Variants in TMEM25 observed in about 807,000 individuals in gnomAD.
TMEM25 encodes 0610039J01Rik.
A neutral mutation model predicts 37.0 loss-of-function variants in TMEM25; 36 were observed. The ratio of observed to expected loss-of-function variants is 0.97; its 90% confidence interval spans 0.75 to 1.28. The LOEUF (loss-of-function observed/expected upper bound fraction) is 1.28, where lower values mean the gene tolerates loss of function less well. Ranked by LOEUF, TMEM25 falls within the 50% of genes most tolerant of loss-of-function variation. The probability of loss-of-function intolerance (pLI) is 0.00; values close to 1 mark genes in which losing one functional copy is unlikely to be tolerated. For missense variants in TMEM25, 444 were observed against 477.9 expected, an observed-to-expected ratio of 0.93 and a Z score of 0.66; for synonymous variants, 197 against 203.7, an observed-to-expected ratio of 0.97 and a Z score of 0.28.
intron 8 of TMEM25, among the ~76,000 whole-genome samples, chr11:118,541,580 T>TA (rs1467693582): frequency 2.0e-5 from 3 of 152,064 alleles, no homozygotes; most frequent in Admixed American, 6.6e-5. Context: ...ACAAATTTTT[T>TA]AAAAAAAATT....
Position 118,535,731 on chromosome 11 carries a change from A to G in TMEM25, c.*1151A>G. The G allele has an allele frequency of 7.3e-7, 1 of 1,372,452 alleles. No individual in the cohort carries two copies. Among genetic ancestry groups the G allele is most frequent in the Non-Finnish European group, 9.4e-7 (1 of 1,064,696 alleles). 85.0% of individuals were successfully genotyped at this position (1,372,452 alleles called of 1,614,324 possible). ...TGGAAATTAATATAGTACAGAATATATTTTTCCCTTGTTGAGATCTTCTTT... is the reference window on the plus strand; with the variant it reads ...TGGAAATTAATATAGTACAGAATATGTTTTTCCCTTGTTGAGATCTTCTTT... On this transcript the variant is annotated 3_prime_UTR_variant, in exon 9 of 9. Coordinates refer to ENST00000313236, the MANE Select transcript of TMEM25 (RefSeq NM_032780.4).
intron 8 of TMEM25, among the ~76,000 whole-genome samples, chr11:118,542,451 T>C (rs1555065793): frequency 1.3e-5 from 2 of 152,060 alleles, no homozygotes; most frequent in East Asian, 3.9e-4. Context: ...AGGGGACAAA[T>C]AGGCAAACAA....
At chr11:118,545,097 C>T in intron 8 of TMEM25, 1 of 1,030,930 alleles carries the variant, frequency 9.7e-7, no homozygotes, top group Non-Finnish European at 1.5e-6. Flanking sequence ...TTAAAATGAA[C>T]CCCCTTTATT....
intron 1 of TMEM25, 164 bp downstream of exon 1, chr11:118,531,398 G>A (rs151241792): frequency 6.1e-5 from 23 of 379,872 alleles, no homozygotes; most frequent in African/African-American, 3.6e-4. Flanking sequence ...ATGGGAACAG[G>A]GCAGGAGAGA....
downstream of TMEM25, among the ~76,000 whole-genome samples, chr11:118,536,583 C>A (rs1565338044): frequency 6.6e-6 from 1 of 152,202 alleles, no homozygotes; most frequent in Non-Finnish European, 1.5e-5. Context: ...TCTGACATTA[C>A]CAAATGTGCT....
At position 118,534,553 on chromosome 11, in the gene TMEM25, C is replaced by T. The variant is rs1258821794; in HGVS notation, c.1074C>T (p.Ser358=). ...TGGGCTATATCTATCGAGTGTCCAG[C>T]GTGAGCAGTGATGAGATCTGGCTCT... ...PVLGYIYRVS[S]VSSDEIWL Residue 358 remains serine, a synonymous_variant, in exon 9 of 9, where the codon AGC becomes AGT. Coordinates refer to ENST00000313236, the MANE Select transcript of TMEM25 (RefSeq NM_032780.4). The surrounding 1 kb of genome is among the most constrained non-coding windows in gnomAD (Gnocchi z 4.6). The T allele has an allele frequency of 5.6e-6, 9 of 1,614,056 alleles. No homozygotes were observed. The African/African-American group carries it at 9.3e-5, about 17-fold the overall frequency.
chr11:118,532,311 A>C lies in TMEM25; in HGVS notation c.232A>C (p.Arg78=). 1.2e-6 allele frequency: 2 copies of C among 1,614,210 alleles called. No individual in the cohort carries two copies. The highest frequency in any genetic ancestry group is 1.7e-6 in the Non-Finnish European group (2 of 1,180,020). ...DGQLQEASTS[R]LLSVGGEAFS... ...ACAGCTGCAGGAGGCCAGCACCTCAAGACTGCTGAGCGTGGGAGGGGAGGC... is the reference window on the plus strand; with the variant it reads ...ACAGCTGCAGGAGGCCAGCACCTCACGACTGCTGAGCGTGGGAGGGGAGGC... The change falls in exon 3 of 9, where the codon AGA becomes CGA. Residue 78 remains arginine, a synonymous_variant. Coordinates refer to ENST00000313236, the MANE Select transcript of TMEM25 (RefSeq NM_032780.4).
intron 1 of TMEM25, 40 bp downstream of exon 1, chr11:118,531,274 C>T: frequency 2.8e-6 from 1 of 361,832 alleles, no homozygotes; most frequent in Non-Finnish European, 5.1e-6. Context: ...GCGGGATGCT[C>T]GGCGACCCCA....
In TMEM25 at chr11:118,534,385, CCT is replaced by C; in HGVS notation, c.1027+33_1027+34del. ...TGGGGAAGGGGCCTGCCACCCTCCTCCTCTGCCCCCCAGCCCTGTGCTTATGC... is the reference window on the plus strand; with the variant it reads ...TGGGGAAGGGGCCTGCCACCCTCCTCCTGCCCCCCAGCCCTGTGCTTATGC... On this transcript the variant is annotated intron_variant, in intron 8 of 8. Transcript: ENST00000313236. The surrounding 1 kb of genome is among the most constrained non-coding windows in gnomAD (Gnocchi z 4.6). 1.2e-6 allele frequency: 2 copies of C among 1,612,188 alleles called. No individual in the cohort carries two copies. Among genetic ancestry groups the C allele is most frequent in the Non-Finnish European group, 1.7e-6 (2 of 1,179,244 alleles).
intron 8 of TMEM25, chr11:118,546,029 T>C (rs1174602950): frequency 4.2e-6 from 3 of 711,502 alleles, no homozygotes; most frequent in Admixed American, 2.1e-5. Context: ...AATGTGACTA[T>C]ATTTGGAGAT....
downstream of TMEM25, among the ~76,000 whole-genome samples, chr11:118,539,164 ATTT>A (rs1160816224): frequency 9.9e-6 from 1 of 100,592 alleles, no homozygotes; most frequent in Non-Finnish European, 1.9e-5. Flanking sequence ...TTGGTCATAA[ATTT>A]TTTTTTTTTT....
Position 118,544,996 on chromosome 11 carries a change from C to T in TMEM25, c.1028-1123C>T, listed in dbSNP as rs1052240465. On this transcript the variant is annotated intron_variant, in intron 8 of 8. Coordinates refer to the TMEM25 transcript ENST00000354284. ...GGAGTGAATGCTTTCTTGCCTTCAG[C>T]GAGAGCTTTAAAATGCTGCAAGGAA... is the stretch of plus-strand genomic sequence containing the variant. The T allele has an allele frequency of 8.7e-6, 14 of 1,611,928 alleles. No homozygotes were observed. The East Asian group carries it at 1.8e-4, about 21-fold the overall frequency.
intron 1 of TMEM25, 188 bp from the exon 2 acceptor site, chr11:118,531,587 C>G: frequency 3.4e-6 from 2 of 580,534 alleles, no homozygotes; most frequent in East Asian, 5.7e-5. Flanking sequence ...TGCAGGATGT[C>G]CATGTGTCTG....
At chr11:118,537,996 A>G (rs1951532946), downstream of TMEM25, among the ~76,000 whole-genome samples, 2 of 151,812 alleles carry the variant, frequency 1.3e-5, no homozygotes, top group African/African-American at 4.8e-5. Context: ...GGATGCAGTG[A>G]CTGAGATCAC....
intron 1 of TMEM25, 24 bp downstream of exon 1, chr11:118,531,258 G>A (rs1234497432): frequency 7.9e-5 from 30 of 381,434 alleles, no homozygotes; most frequent in Non-Finnish European, 1.4e-4. Flanking sequence ...GTGGCGGGGG[G>A]CGGGGGCGGG....
At chr11:118,546,001 T>C (rs1435104606) in intron 8 of TMEM25, 1 of 723,146 alleles carries the variant, frequency 1.4e-6, no homozygotes, top group Non-Finnish European at 2.6e-6. Context: ...ATTGAGTTCC[T>C]AACTCCCTGT....
Position 118,532,713 on chromosome 11 carries a change from G to A in TMEM25, c.383-204G>A, listed in dbSNP as rs1373085276. On this transcript the variant is annotated intron_variant, in intron 3 of 8. Coordinates refer to ENST00000313236, the MANE Select transcript of TMEM25 (RefSeq NM_032780.4). Reference sequence around the variant, plus strand: ...TCCCGCTGGTAAGAAGCAGAGCCAGGATTCACATCTGGGCATTTGGCTCTA... The same window carrying A: ...TCCCGCTGGTAAGAAGCAGAGCCAGAATTCACATCTGGGCATTTGGCTCTA... 3 of 809,652 alleles carry A rather than the reference G, an allele frequency of 3.7e-6. No individual in the cohort carries two copies. In the African/African-American group the frequency reaches 5.2e-5, roughly 14 times the overall value. The allele number at this position is 809,652 out of a possible 1,614,324, so 50.2% of individuals were successfully genotyped here.
intron 8 of TMEM25, among the ~76,000 whole-genome samples, chr11:118,541,290 G>A (rs563367033): frequency 3.0e-4 from 46 of 151,878 alleles, no homozygotes; most frequent in Non-Finnish European, 4.7e-4. Context: ...GTGAAACCCC[G>A]TCTCTACTAA....
chr11:118,531,764 C>T lies in TMEM25; in HGVS notation c.-27-11C>T. The T allele has an allele frequency of 6.5e-7, 1 of 1,533,320 alleles. No individual in the cohort carries two copies. The highest frequency in any genetic ancestry group is 8.8e-7 in the Non-Finnish European group (1 of 1,137,786). 95.0% of individuals were successfully genotyped at this position (1,533,320 alleles called of 1,614,324 possible). A position where few individuals can be genotyped will look rare whatever the true frequency, so the allele number is the denominator to read the frequency against. ...TGTCACCTGGCTGACAGGCCCGCCCCCTTCTCTCAGCAGCCTAGGGCCTAG... is the reference window on the plus strand; with the variant it reads ...TGTCACCTGGCTGACAGGCCCGCCCTCTTCTCTCAGCAGCCTAGGGCCTAG... On this transcript the variant is annotated splice_polypyrimidine_tract_variant and intron_variant, in intron 1 of 8. Coordinates refer to ENST00000313236, the MANE Select transcript of TMEM25 (RefSeq NM_032780.4).
Sources: gnomAD v4.1 joint callset for allele counts (sites outside exome capture counted in the v4.1 genomes callset) on GRCh38, gnomAD v4.1.1 for gene constraint, Gnocchi (gnomAD v3.1) non-coding constraint, MANE v1.5 for transcripts, NCBI Gene and HGNC (gene_info 2026-07-23, HGNC 2026-07-21) for gene names.